EXOC6B: variants seen among roughly 807,000 people sequenced by gnomAD.
EXOC6B encodes the protein exocyst complex component 6B, also known as SEC15 homolog B.
EXOC6B carries 54 observed loss-of-function variants against 113.5 expected under a neutral mutation model. The observed-to-expected ratio is 0.48, with a 90% CI of 0.38 to 0.60. The LOEUF (loss-of-function observed/expected upper bound fraction) is 0.60. Among genes scored for constraint, EXOC6B ranks in the 20% least tolerant of loss-of-function variants. The pLI is 0.00. For synonymous variants in EXOC6B, 357 were observed against 339.0 expected (o/e 1.05, Z -0.58); for missense variants, 797 against 977.5 (o/e 0.82, Z 2.46).
chr2:72,233,744 C>T (rs1681779812), intron 20 of EXOC6B, among the ~76,000 whole-genome samples: 1 of 152,194 alleles, frequency 6.6e-6, no homozygotes, highest in African/African-American at 2.4e-5. Context: ...GGCTTCACTC[C>T]AGCTTCTGGC....
chr2:72,797,718 G>C (rs1168375839), intron 1 of EXOC6B, among the ~76,000 whole-genome samples: 1 of 152,152 alleles, frequency 6.6e-6, no homozygotes, highest in East Asian at 1.9e-4. Flanking sequence ...GGAGGCTGAG[G>C]CAAGGGAATC....
chr2:72,537,594 T>C (rs531794277), intron 8 of EXOC6B, among the ~76,000 whole-genome samples: 145 of 152,172 alleles, frequency 9.5e-4, no homozygotes, highest in South Asian at 2.1e-3. Context: ...ATCATGCCAC[T>C]ACACTCCCAG....
At chr2:72,788,062 A>T (rs1684474471) in intron 1 of EXOC6B, among the ~76,000 whole-genome samples, 1 of 152,230 alleles carries the variant, frequency 6.6e-6, no homozygotes, top group Non-Finnish European at 1.5e-5. Context: ...CTTACCTGAC[A>T]TAGTTCAGTA....
At chr2:72,824,253 G>T (rs1686767462) in intron 1 of EXOC6B, among the ~76,000 whole-genome samples, 1 of 152,010 alleles carries the variant, frequency 6.6e-6, no homozygotes, top group Non-Finnish European at 1.5e-5. Context: ...AGGTGTGGTG[G>T]TGGTGCACAG....
At chr2:72,424,715 T>G (rs1381359521) in intron 18 of EXOC6B, among the ~76,000 whole-genome samples, 1 of 152,240 alleles carries the variant, frequency 6.6e-6, no homozygotes, top group African/African-American at 2.4e-5. Flanking sequence ...TCTTCAAGTT[T>G]ATTAATATGA....
At chr2:72,700,399 A>G (rs556843749) in intron 6 of EXOC6B, among the ~76,000 whole-genome samples, 2 of 152,296 alleles carry the variant, frequency 1.3e-5, no homozygotes, top group African/African-American at 2.4e-5. Context: ...TTTAGAGACA[A>G]TCTTCTTACT....
At chr2:72,249,002 GTCTATAA>G (rs1682843567) in intron 20 of EXOC6B, among the ~76,000 whole-genome samples, 1 of 152,206 alleles carries the variant, frequency 6.6e-6, no homozygotes, top group African/African-American at 2.4e-5. Flanking sequence ...GGTAGCTCAA[GTCTATAA>G]TCTCAGGCTT....
chr2:72,565,294 T>C (rs184588951), intron 7 of EXOC6B, among the ~76,000 whole-genome samples: 12 of 137,144 alleles, frequency 8.7e-5, no homozygotes, highest in Admixed American at 8.4e-4. Context: ...GAGGCTGCAG[T>C]GAGCTGAGAT....
intron 6 of EXOC6B, among the ~76,000 whole-genome samples, chr2:72,594,981 G>A (rs773509479): frequency 4.6e-5 from 7 of 152,032 alleles, no homozygotes; most frequent in African/African-American, 1.2e-4. Context: ...TGGTGACGCC[G>A]GACGCAGTGG....
intron 20 of EXOC6B, among the ~76,000 whole-genome samples, chr2:72,305,362 A>ATATGTATATGTATATGTG (rs1313859269): frequency 6.7e-6 from 1 of 149,000 alleles, no homozygotes; most frequent in Non-Finnish European, 1.5e-5. Flanking sequence ...ATGTATATGT[A>ATATGTATATGTATATGTG]TATGTATATG....
At chr2:72,350,328 G>A (rs2104939704) in intron 19 of EXOC6B, among the ~76,000 whole-genome samples, 1 of 152,112 alleles carries the variant, frequency 6.6e-6, no homozygotes, top group South Asian at 2.1e-4. Context: ...ATTGTTCTAG[G>A]ATTCGTTGAT....
intron 20 of EXOC6B, among the ~76,000 whole-genome samples, chr2:72,334,346 C>T (rs1304573565): frequency 6.6e-6 from 1 of 152,074 alleles, no homozygotes. Context: ...GCCCAAGTAT[C>T]AGCTTTCATC....
intron 6 of EXOC6B, among the ~76,000 whole-genome samples, chr2:72,666,118 T>C: frequency 6.6e-6 from 1 of 151,812 alleles, no homozygotes; most frequent in East Asian, 1.9e-4. Context: ...TGATAAAGGG[T>C]TTGATTCAAC....
Position 72,403,608 on chromosome 2 carries a change from G to T in EXOC6B, c.1981-23738C>A, listed in dbSNP as rs1461888013. On this transcript the variant is annotated intron_variant, in intron 18 of 21. Coordinates refer to ENST00000272427, the MANE Select transcript of EXOC6B (RefSeq NM_015189.3). Reference sequence around the variant, plus strand: ...AGATAAGAGACTGAGGTGGGAGGATGGCTTGAGACCAGGAGTTCAAGGCCA... The same window carrying T: ...AGATAAGAGACTGAGGTGGGAGGATTGCTTGAGACCAGGAGTTCAAGGCCA... 2.6e-5 allele frequency among the ~76,000 whole-genome samples: 4 copies of T among 152,144 alleles called. No homozygotes were observed. The East Asian group carries it at 7.7e-4, about 29-fold the overall frequency.
intron 19 of EXOC6B, among the ~76,000 whole-genome samples, chr2:72,340,982 A>G (rs991180882): frequency 1.3e-5 from 2 of 152,140 alleles, no homozygotes; most frequent in African/African-American, 4.8e-5. Flanking sequence ...GAACGAAGGG[A>G]GAACAATGTC....
chr2:72,652,779 A>G (rs1674287476), intron 6 of EXOC6B, among the ~76,000 whole-genome samples: 2 of 147,998 alleles, frequency 1.4e-5, no homozygotes, highest in African/African-American at 2.4e-5. Flanking sequence ...TATATAATAT[A>G]CGTAATATAA....
intron 8 of EXOC6B, among the ~76,000 whole-genome samples, chr2:72,532,497 T>C (rs1481942165): frequency 1.3e-5 from 2 of 152,158 alleles, no homozygotes; most frequent in East Asian, 1.9e-4. Flanking sequence ...CCTAAAATGA[T>C]AATCAGATAA....
chr2:72,199,082 G>A (rs1192699511), intron 20 of EXOC6B, among the ~76,000 whole-genome samples: 2 of 152,198 alleles, frequency 1.3e-5, no homozygotes, highest in Non-Finnish European at 2.9e-5. Context: ...AGAGAGTGGT[G>A]CAGTAAGTGT....
At chr2:72,663,340 C>A (rs1191981382) in intron 6 of EXOC6B, among the ~76,000 whole-genome samples, 1 of 152,098 alleles carries the variant, frequency 6.6e-6, no homozygotes, top group Non-Finnish European at 1.5e-5. Flanking sequence ...TGACAGAGAA[C>A]AGATAAGTTA....
Sources: gnomAD v4.1 joint callset for allele counts (sites outside exome capture counted in the v4.1 genomes callset) on GRCh38, gnomAD v4.1.1 for gene constraint, MANE v1.5 for transcripts, NCBI Gene and HGNC (gene_info 2026-07-23, HGNC 2026-07-21) for gene names.